The following PDE1C variants were observed in gnomAD, a reference collection of about 807,000 sequenced individuals.
The protein encoded by PDE1C is dual specificity calcium/calmodulin-dependent 3',5'-cyclic nucleotide phosphodiesterase 1C.
PDE1C carries 62 observed loss-of-function variants against 93.1 expected under a neutral mutation model. The ratio of observed to expected loss-of-function variants is 0.67; its 90% CI spans 0.54 to 0.82. The LOEUF (loss-of-function observed/expected upper bound fraction) is 0.82, where lower values mean the gene tolerates loss of function less well. Among genes scored for constraint, PDE1C ranks in the 40% least tolerant of loss-of-function variants. PDE1C has a pLI of 0.00. For missense variants in PDE1C, 742 were observed against 884.6 expected (o/e 0.84, Z 2.04); for synonymous variants, 325 against 310.1 (o/e 1.05, Z -0.50).
In PDE1C at chr7:32,184,350, C is replaced by T. The variant is rs1803685533; in HGVS notation, c.137-14394G>A. Among the ~76,000 whole-genome samples the T allele has an allele frequency of 2.0e-5, 3 of 152,124 alleles. No individual in the cohort carries two copies. The South Asian group carries it at 6.2e-4, about 32-fold the overall frequency. On this transcript the variant is annotated intron_variant, in intron 2 of 18. Transcript: ENST00000396193. ...GCTGCTATAAAGACACATGCACACA[C>T]GTATGTTTATTGCATCACTATTCAC...
At chr7:32,354,566 T>C (rs1783995534) in intron 1 of PDE1C, among the ~76,000 whole-genome samples, 1 of 152,150 alleles carries the variant, frequency 6.6e-6, no homozygotes, top group Non-Finnish European at 1.5e-5. Context: ...ACCACTGCAC[T>C]CCACCCTAGG....
rs141730336 is a variant in PDE1C at position 32,117,179 on chromosome 7, C to T, written c.308+52606G>A. ...GGTCAACTTCTCTTTCTATCCAAAC[C>T]TCTGTAGAGGTTTTGTTTTAAAGGT... On this transcript the variant is annotated intron_variant, in intron 3 of 18. Coordinates refer to the PDE1C transcript ENST00000396193. 2.4e-3 allele frequency among the ~76,000 whole-genome samples: 363 copies of T among 152,218 alleles called. 2 individuals carry two copies. Among genetic ancestry groups the T allele is most frequent in the African/African-American group, 8.5e-3 (354 of 41,534 alleles).
intron 16 of PDE1C, among the ~76,000 whole-genome samples, chr7:31,793,390 GT>G (rs1229751027): frequency 6.6e-6 from 1 of 151,956 alleles, no homozygotes; most frequent in African/African-American, 2.4e-5. Context: ...TGGATTTGAT[GT>G]TTTTACAGCC....
the PDE1C span, among the ~76,000 whole-genome samples, chr7:31,631,832 A>G: frequency 6.6e-6 from 1 of 152,238 alleles, no homozygotes; most frequent in Non-Finnish European, 1.5e-5. Flanking sequence ...TAGAAAAATA[A>G]TTAGCTTGTC....
chr7:31,790,303 T>TC lies in PDE1C; in HGVS notation c.1892-14572dup, dbSNP rs1172781394. The TC allele has an allele frequency of 7.7e-6, 12 of 1,553,912 alleles. No homozygotes were observed. In the African/African-American group the frequency reaches 1.2e-4, roughly 16 times the overall value. ...AAAAGAAAAGTGTCAATGCTGCCTT[T>TC]CCCCCCGCCCACCTCCACCCTCCAA... On this transcript the variant is annotated intron_variant, in intron 16 of 17. Coordinates refer to ENST00000396191, the MANE Select transcript of PDE1C (RefSeq NM_001191057.4).
At chr7:32,000,942 A>G (rs1584399382) in intron 2 of PDE1C, among the ~76,000 whole-genome samples, 1 of 152,298 alleles carries the variant, frequency 6.6e-6, no homozygotes, top group East Asian at 1.9e-4. Context: ...AAAAATAAAA[A>G]GGTCGAGATT....
chr7:32,195,077 T>C (rs1452426406), intron 2 of PDE1C, among the ~76,000 whole-genome samples: 1 of 152,234 alleles, frequency 6.6e-6, no homozygotes, highest in Non-Finnish European at 1.5e-5. Context: ...TTTGATATAA[T>C]TGTACTAAAT....
At chr7:32,209,490 A>G in exon 2 of PDE1C, 1 of 1,572,754 alleles carries the variant, frequency 6.4e-7, no homozygotes, top group Non-Finnish European at 8.6e-7. Context: ...TTTACTCACG[A>G]GAGAAGCGGG....
intron 11 of PDE1C, among the ~76,000 whole-genome samples, chr7:31,829,735 C>A (rs1583503813): frequency 6.6e-6 from 1 of 152,234 alleles, no homozygotes; most frequent in East Asian, 1.9e-4. Flanking sequence ...ACAATGGCTT[C>A]TTTATTTCAA....
At chr7:32,214,473 C>G (rs1806280283) in intron 1 of PDE1C, among the ~76,000 whole-genome samples, 1 of 152,156 alleles carries the variant, frequency 6.6e-6, no homozygotes, top group Admixed American at 6.5e-5. Flanking sequence ...CACAGGGCCT[C>G]TAGGGGTAGG....
chr7:31,780,522 T>C (rs1226569926), intron 16 of PDE1C, among the ~76,000 whole-genome samples: 1 of 152,194 alleles, frequency 6.6e-6, no homozygotes, highest in Non-Finnish European at 1.5e-5. Flanking sequence ...AAGCAATGTA[T>C]TAAATTTGCA....
Position 32,047,963 on chromosome 7 carries a change from A to G in PDE1C, c.128+3591T>C, listed in dbSNP as rs528425480. On this transcript the variant is annotated intron_variant, in intron 2 of 17. Transcript: ENST00000396191. Reference sequence around the variant, plus strand: ...CAGTTAGAATTAAACTCACCAGTTAAGTCCACATTGCTGTGTTTATTCCTA... The same window carrying G: ...CAGTTAGAATTAAACTCACCAGTTAGGTCCACATTGCTGTGTTTATTCCTA... Among the ~76,000 whole-genome samples the G allele has an allele frequency of 3.2e-4, 48 of 152,376 alleles. No homozygotes were observed. The South Asian group carries it at 9.9e-3, about 32-fold the overall frequency.
At chr7:31,755,338 T>C (rs1378802299) in intron 17 of PDE1C, among the ~76,000 whole-genome samples, 1 of 152,192 alleles carries the variant, frequency 6.6e-6, no homozygotes, top group Non-Finnish European at 1.5e-5. Flanking sequence ...TTCACACATA[T>C]ATTGTCTTGC....
chr7:31,923,828 A>C (rs956152317), intron 2 of PDE1C, among the ~76,000 whole-genome samples: 3 of 152,068 alleles, frequency 2.0e-5, no homozygotes, highest in Non-Finnish European at 4.4e-5. Context: ...AATAATAATA[A>C]ATTTTTAACA....
At chr7:31,644,074 C>A in the PDE1C span, 1 of 838,920 alleles carries the variant, frequency 1.2e-6, no homozygotes, top group Non-Finnish European at 1.8e-6. Flanking sequence ...TATTTTAAAT[C>A]ATGAATAACA....
chr7:31,757,994 G>T (rs1268991745), intron 17 of PDE1C, among the ~76,000 whole-genome samples: 1 of 152,158 alleles, frequency 6.6e-6, no homozygotes, highest in Non-Finnish European at 1.5e-5. Context: ...CATGTCCTTT[G>T]TAGGGACATG....
At chr7:31,724,991 C>T in the PDE1C span, among the ~76,000 whole-genome samples, 2 of 152,152 alleles carry the variant, frequency 1.3e-5, no homozygotes, top group East Asian at 3.9e-4. Flanking sequence ...AAATCCTATG[C>T]CATGGGCTAC....
At chr7:31,831,125 G>C (rs1445999109) in intron 11 of PDE1C, among the ~76,000 whole-genome samples, 1 of 152,158 alleles carries the variant, frequency 6.6e-6, no homozygotes, top group Non-Finnish European at 1.5e-5. Flanking sequence ...GCAAATGTTT[G>C]GGAATGCAAC....
At chr7:32,041,730 G>A (rs954419487) in intron 2 of PDE1C, among the ~76,000 whole-genome samples, 10 of 152,172 alleles carry the variant, frequency 6.6e-5, no homozygotes, top group Non-Finnish European at 1.5e-4. Flanking sequence ...AGAACCTGGT[G>A]GTGGAGGTGA....
Sources: allele counts gnomAD v4.1 joint callset (sites outside exome capture counted in the v4.1 genomes callset), GRCh38; gene constraint gnomAD v4.1.1; transcripts MANE v1.5; gene names NCBI Gene and HGNC (gene_info 2026-07-23, HGNC 2026-07-21).